Variants in LRP10 observed in about 807,000 individuals in gnomAD.
The protein encoded by LRP10 is low-density lipoprotein receptor-related protein 10.
In LRP10, 42 loss-of-function variants were observed where a neutral mutation model predicts 58.5. The ratio of observed to expected loss-of-function variants is 0.72; its 90% CI spans 0.56 to 0.93. The LOEUF (loss-of-function observed/expected upper bound fraction) is 0.93, where lower values mean the gene tolerates loss of function less well. LRP10 is among the 40% of genes least tolerant of loss of function. The pLI, the probability that LRP10 is intolerant of heterozygous loss-of-function variation, is 0.00. For synonymous variants in LRP10, 377 were observed against 388.5 expected (o/e 0.97, Z 0.35); for missense variants, 872 against 940.1 (o/e 0.93, Z 0.95).
rs761190134 is a variant in LRP10 at position 22,876,036 on chromosome 14, G to C, written c.1088G>C (p.Cys363Ser). The C allele has an allele frequency of 1.2e-6, 2 of 1,613,348 alleles. No homozygotes were observed. The highest frequency in any genetic ancestry group is 3.3e-5 in the Admixed American group (2 of 59,998). Residue 363 changes from cysteine (C) to serine (S), a missense_variant, in exon 5 of 7, where the codon TGT becomes TCT. Physicochemically the swap from Cys to Ser is moderately radical, Grantham distance 112. Coordinates refer to ENST00000359591, the MANE Select transcript of LRP10 (RefSeq NM_014045.5). ...CPGCPPGHFP[C>S]GAAGTSGATA... ...GGCTGCCCACCTGGACACTTCCCCT[G>C]TGGGGCTGCTGGCACCTCTGGTGCC...
At chr14:22,872,606 C>T in intron 1 of LRP10, 132 bp from the exon 2 acceptor site, 5 of 880,758 alleles carry the variant, frequency 5.7e-6, no homozygotes, top group Non-Finnish European at 8.9e-6. Context: ...CGCCGCAGCC[C>T]TCTCCCGCCC....
Position 22,876,155 on chromosome 14 carries a change from A to G in LRP10, c.1207A>G (p.Asn403Asp). The change falls in exon 5 of 7, where the codon AAT becomes GAT. Residue 403 changes from asparagine to aspartate, a missense_variant. Asn to Asp is a conservative substitution (Grantham distance 23). Coordinates refer to ENST00000359591, the MANE Select transcript of LRP10 (RefSeq NM_014045.5). ...ERRCRHCQPGNFRCRDEKCVY... is the reference protein window; with the variant it reads ...ERRCRHCQPGDFRCRDEKCVY... ...ACGCTGTCGGCATTGCCAGCCTGGC[A>G]ATTTCCGATGCCGGGACGAGAAGTG... is the stretch of plus-strand genomic sequence containing the variant. 3.1e-6 allele frequency: 5 copies of G among 1,614,212 alleles called. No individual in the cohort carries two copies. Among genetic ancestry groups the G allele is most frequent in the Non-Finnish European group, 4.2e-6 (5 of 1,180,050 alleles).
At position 22,877,658 on chromosome 14, in the gene LRP10, C is replaced by A; in HGVS notation, c.*131C>A. The A allele has an allele frequency of 3.0e-6, 2 of 675,024 alleles. No individual in the cohort carries two copies. The highest frequency in any genetic ancestry group is 4.8e-6 in the Non-Finnish European group (2 of 412,992). 41.8% of individuals were successfully genotyped at this position (675,024 alleles called of 1,614,324 possible). On this transcript the variant is annotated 3_prime_UTR_variant, in exon 7 of 7. Transcript: ENST00000359591. This position sits in a 1 kb window ranked among gnomAD's most constrained non-coding sequence, Gnocchi z 5.1. ...CCCTGGATTTCAGGGACTTGGTGGG[C>A]CTCCCGTTGACCCTATGTAGCTGCT...
chr14:22,877,129 G>A lies in LRP10; in HGVS notation c.1744G>A (p.Val582Ile). ...PARASEARSQ[V>I]TPSAAPLEAL... ...TCGGGCCTCTGAGGCCAGATCCCAG[G>A]TCACACCTTCTGCTGCTCCCCTTGA... Residue 582 changes from valine to isoleucine, a missense_variant, in exon 7 of 7, where the codon GTC (valine) becomes ATC (isoleucine). Coordinates refer to ENST00000359591, the MANE Select transcript of LRP10 (RefSeq NM_014045.5). The surrounding 1 kb of genome is among the most constrained non-coding windows in gnomAD (Gnocchi z 5.1). The A allele has an allele frequency of 3.1e-6, 5 of 1,611,988 alleles. No homozygotes were observed. Among genetic ancestry groups the A allele is most frequent in the Non-Finnish European group, 4.2e-6 (5 of 1,178,988 alleles).
Position 22,879,378 on chromosome 14 carries a change from C to G in LRP10, c.*1851C>G, listed in dbSNP as rs1028765945. Reference sequence around the variant, plus strand: ...ACTGTTCTCCCTTTGGGCCCTCCTTCCCAAACGCAAACAATCCAGGATCCA... The same window carrying G: ...ACTGTTCTCCCTTTGGGCCCTCCTTGCCAAACGCAAACAATCCAGGATCCA... On this transcript the variant is annotated 3_prime_UTR_variant, in exon 7 of 7. Coordinates refer to ENST00000359591, the MANE Select transcript of LRP10 (RefSeq NM_014045.5). 7 of 312,542 alleles carry G rather than the reference C, an allele frequency of 2.2e-5. No individual in the cohort carries two copies. In the Admixed American group the frequency reaches 2.6e-4, roughly 11 times the overall value. 19.4% of individuals were successfully genotyped at this position (312,542 alleles called of 1,614,324 possible).
At chr14:22,873,199 G>A in intron 2 of LRP10, 112 bp from the exon 3 acceptor site, 1 of 1,334,762 alleles carries the variant, frequency 7.5e-7, no homozygotes. Flanking sequence ...CAGATACTCT[G>A]CTCCTCCTTG....
At position 22,872,282 on chromosome 14, in the gene LRP10, C is replaced by T. The variant is rs1289699796; in HGVS notation, c.-22C>T. 3.7e-6 allele frequency: 6 copies of T among 1,613,926 alleles called. No homozygotes were observed. Among genetic ancestry groups the T allele is most frequent in the Non-Finnish European group, 3.4e-6 (4 of 1,179,852 alleles). ...GACCACAGAAGCTCCGGGACCCTTC[C>T]GGCACCTCTGGACAGCCCAGGATGC... On this transcript the variant is annotated 5_prime_UTR_variant, in exon 1 of 7. Transcript: ENST00000359591.
rs139859259 is a variant in LRP10 at position 22,876,709 on chromosome 14, G to A, written c.1445G>A (p.Arg482Gln). 29 of 1,613,768 alleles carry A rather than the reference G, an allele frequency of 1.8e-5. No homozygotes were observed. The highest frequency in any genetic ancestry group is 5.0e-5 in the Admixed American group (3 of 59,970). Residue 482 changes from arginine to glutamine, a missense_variant, in exon 6 of 7, where the codon CGG (arginine) becomes CAG (glutamine). Transcript: ENST00000359591. Reference sequence around the variant, plus strand: ...TCTAGCATCTTTGCCCCCCTCTCCCGGATGGAGGCTGAGATTGTGCAGCAG... The same window carrying A: ...TCTAGCATCTTTGCCCCCCTCTCCCAGATGGAGGCTGAGATTGTGCAGCAG... Reference protein sequence around the residue: ...QEYSIFAPLSRMEAEIVQQQA... With the variant: ...QEYSIFAPLSQMEAEIVQQQA...
chr14:22,872,874 C>T, intron 2 of LRP10, 92 bp downstream of exon 2: 3 of 1,369,462 alleles, frequency 2.2e-6, no homozygotes, highest in Non-Finnish European at 3.1e-6. Context: ...ATGGGACCTA[C>T]CAAAGTTTTA....
In LRP10 at chr14:22,877,603, C is replaced by A; in HGVS notation, c.*76C>A. The A allele has an allele frequency of 8.7e-7, 1 of 1,152,038 alleles. No individual in the cohort carries two copies. Among genetic ancestry groups the A allele is most frequent in the Non-Finnish European group, 1.2e-6 (1 of 842,572 alleles). The allele number at this position is 1,152,038 out of a possible 1,614,324, so 71.4% of individuals were successfully genotyped here. ...GTGGCACAACCTTTTAGAGGTGGGTCAGCCTCCCCTCCACCACTTCCTTCC... is the reference window on the plus strand; with the variant it reads ...GTGGCACAACCTTTTAGAGGTGGGTAAGCCTCCCCTCCACCACTTCCTTCC... On this transcript the variant is annotated 3_prime_UTR_variant, in exon 7 of 7. Coordinates refer to ENST00000359591, the MANE Select transcript of LRP10 (RefSeq NM_014045.5). This position sits in a 1 kb window ranked among gnomAD's most constrained non-coding sequence, Gnocchi z 5.1.
chr14:22,872,896 AT>A, intron 2 of LRP10, 114 bp downstream of exon 2: 1 of 1,064,188 alleles, frequency 9.4e-7, no homozygotes. Flanking sequence ...AGGGGAGATA[AT>A]TTAGCCTTTA....
In LRP10 at chr14:22,877,919, T is replaced by G; in HGVS notation, c.*392T>G. On this transcript the variant is annotated 3_prime_UTR_variant, in exon 7 of 7. Coordinates refer to ENST00000359591, the MANE Select transcript of LRP10 (RefSeq NM_014045.5). This position sits in a 1 kb window ranked among gnomAD's most constrained non-coding sequence, Gnocchi z 5.1. ...CGGAATGCCAATTAACTAGAGACCC[T>G]CCAGCCCCCAAGGGGAGGATTTGGG... 6.0e-6 allele frequency: 1 copy of G among 167,452 alleles called. No individual in the cohort carries two copies. Among genetic ancestry groups the G allele is most frequent in the Non-Finnish European group, 1.3e-5 (1 of 78,544 alleles). 10.4% of individuals were successfully genotyped at this position (167,452 alleles called of 1,614,324 possible). A position where few individuals can be genotyped will look rare whatever the true frequency, so the allele number is the denominator to read the frequency against.
rs201003455 is a variant in LRP10 at position 22,880,605 on chromosome 14, T to TA, written c.*3088dup. ...TGGTCTCAAAATAAATAAATAGATT[T>TA]AAAAAAAAAATCATGGGCCTGAACC... On this transcript the variant is annotated 3_prime_UTR_variant, in exon 7 of 7. Transcript: ENST00000359591. The TA allele has an allele frequency of 1.9e-3, 278 of 149,304 alleles. 2 individuals carry two copies. The highest frequency in any genetic ancestry group is 6.3e-3 in the African/African-American group (254 of 40,610). The allele number at this position is 149,304 out of a possible 1,614,324, so 9.2% of individuals were successfully genotyped here. A position where few individuals can be genotyped will look rare whatever the true frequency, so the allele number is the denominator to read the frequency against.
chr14:22,876,339 G>C lies in LRP10; in HGVS notation c.1391G>C (p.Cys464Ser). ...CTGGTCATCGCCCTGGGCTGCACCT[G>C]CAAGCTCTATGCCATTCGCACCCAG... Reference protein sequence around the residue: ...LLLVIALGCTCKLYAIRTQEY... With the variant: ...LLLVIALGCTSKLYAIRTQEY... Residue 464 changes from cysteine to serine, a missense_variant, in exon 5 of 7, where the codon TGC becomes TCC. By Grantham distance (112) the Cys-to-Ser change is moderately radical. Transcript: ENST00000359591. 1 of 1,614,048 alleles carries C rather than the reference G, an allele frequency of 6.2e-7. No individual in the cohort carries two copies. The highest frequency in any genetic ancestry group is 8.5e-7 in the Non-Finnish European group (1 of 1,180,038).
rs2040035253 is a variant in LRP10 at position 22,878,978 on chromosome 14, TGAGG to T, written c.*1452_*1455del. 1 of 312,848 alleles carries T rather than the reference TGAGG, an allele frequency of 3.2e-6. No individual in the cohort carries two copies. The highest frequency in any genetic ancestry group is 6.6e-6 in the Non-Finnish European group (1 of 150,516). 19.4% of individuals were successfully genotyped at this position (312,848 alleles called of 1,614,324 possible). On this transcript the variant is annotated 3_prime_UTR_variant, in exon 7 of 7. Transcript: ENST00000359591. Reference sequence around the variant, plus strand: ...GGGAGTGATGCCTCAGGAACAAAACTGAGGAATTCCCTAACGGACCCAGTCCCTG... The same window carrying T: ...GGGAGTGATGCCTCAGGAACAAAACTAATTCCCTAACGGACCCAGTCCCTG...
At position 22,872,225 on chromosome 14, in the gene LRP10, C is replaced by A; in HGVS notation, c.-79C>A. On this transcript the variant is annotated 5_prime_UTR_variant, in exon 1 of 7. Coordinates refer to ENST00000359591, the MANE Select transcript of LRP10 (RefSeq NM_014045.5). ...GGGAGGCGGCACCAGGGAGCCTGGG[C>A]GCCCGGGGCTCCGCCGCGACCCCAT... is the stretch of plus-strand genomic sequence containing the variant. 1 of 1,503,098 alleles carries A rather than the reference C, an allele frequency of 6.7e-7. No individual in the cohort carries two copies. The allele number at this position is 1,503,098 out of a possible 1,614,324, so 93.1% of individuals were successfully genotyped here. A position where few individuals can be genotyped will look rare whatever the true frequency, so the allele number is the denominator to read the frequency against.
Position 22,875,673 on chromosome 14 carries a change from G to A in LRP10, c.725G>A (p.Gly242Asp). The A allele has an allele frequency of 1.9e-6, 3 of 1,614,158 alleles. No homozygotes were observed. The highest frequency in any genetic ancestry group is 1.7e-6 in the Non-Finnish European group (2 of 1,180,036). The change falls in exon 5 of 7, where the codon GGC becomes GAC. Residue 242 changes from glycine to aspartate, a missense_variant. Coordinates refer to ENST00000359591, the MANE Select transcript of LRP10 (RefSeq NM_014045.5). ...LAVRFTALDL[G>D]FGDAVHVYDG... ...GTGCGCTTCACAGCCCTGGACTTGGGCTTTGGAGATGCAGTGCATGTGTAT... is the reference window on the plus strand; with the variant it reads ...GTGCGCTTCACAGCCCTGGACTTGGACTTTGGAGATGCAGTGCATGTGTAT...
chr14:22,879,840 A>T lies in LRP10; in HGVS notation c.*2313A>T, dbSNP rs1295136171. On this transcript the variant is annotated 3_prime_UTR_variant, in exon 7 of 7. Transcript: ENST00000359591. Reference sequence around the variant, plus strand: ...GTACAGGCAGCATGGAGAAACTAAGACAGAGTGTCCTGCCCAAGTGATGGC... The same window carrying T: ...GTACAGGCAGCATGGAGAAACTAAGTCAGAGTGTCCTGCCCAAGTGATGGC... 6.6e-6 allele frequency: 1 copy of T among 152,160 alleles called. No individual in the cohort carries two copies. Among genetic ancestry groups the T allele is most frequent in the Non-Finnish European group, 1.5e-5 (1 of 68,080 alleles). The allele number at this position is 152,160 out of a possible 1,614,324, so 9.4% of individuals were successfully genotyped here.
chr14:22,872,291 T>C lies in LRP10; in HGVS notation c.-13T>C, dbSNP rs755052177. 2.5e-6 allele frequency: 4 copies of C among 1,613,938 alleles called. No individual in the cohort carries two copies. The South Asian group carries it at 4.4e-5, about 18-fold the overall frequency. On this transcript the variant is annotated 5_prime_UTR_variant, in exon 1 of 7. Transcript: ENST00000359591. ...AGCTCCGGGACCCTTCCGGCACCTC[T>C]GGACAGCCCAGGATGCTGTTGGCCA...
Sources: gnomAD v4.1 joint callset for allele counts on GRCh38, gnomAD v4.1.1 for gene constraint, Gnocchi (gnomAD v3.1) non-coding constraint, MANE v1.5 for transcripts, NCBI Gene and HGNC (gene_info 2026-07-23, HGNC 2026-07-21) for gene names.